Variants in KCNN2 observed in about 807,000 individuals in gnomAD.
KCNN2 encodes small conductance calcium-activated potassium channel protein 2.
A neutral mutation model predicts 55.5 loss-of-function variants in KCNN2; 24 were observed. The ratio of observed to expected loss-of-function variants is 0.43; its 90% CI spans 0.31 to 0.61. KCNN2 has a LOEUF of 0.61. Ranked by LOEUF, KCNN2 falls within the 20% of genes least tolerant of loss-of-function variation. The probability of loss-of-function intolerance (pLI) is 0.08; values close to 1 mark genes in which losing one functional copy is unlikely to be tolerated. For missense variants in KCNN2, 754 were observed against 853.6 expected, an observed-to-expected ratio of 0.88 and a Z score of 1.45; for synonymous variants, 431 against 336.1, an observed-to-expected ratio of 1.28 and a Z score of -3.09.
chr5:114,163,028 A>G (rs925990177), intron 1 of KCNN2, among the ~76,000 whole-genome samples: 7 of 152,084 alleles, frequency 4.6e-5, no homozygotes, highest in South Asian at 2.1e-4. Context: ...CTGTCTGGCA[A>G]TCCCCAGTGA....
At chr5:114,299,343 A>G (rs1756103635) in intron 2 of KCNN2, among the ~76,000 whole-genome samples, 1 of 152,146 alleles carries the variant, frequency 6.6e-6, no homozygotes, top group African/African-American at 2.4e-5. Flanking sequence ...CTAATGGCTT[A>G]GGCTTGAATT....
At position 114,450,819 on chromosome 5, in the gene KCNN2, C is replaced by G. The variant is rs181709418; in HGVS notation, c.1638-12230C>G. Among the ~76,000 whole-genome samples, 362 of 152,324 alleles carry G rather than the reference C, an allele frequency of 2.4e-3. 1 individual carries two copies. Among genetic ancestry groups the G allele is most frequent in the African/African-American group, 7.7e-3 (319 of 41,566 alleles). ...TGTATCTGTTACGCATTTAACAAAACACTGTTCTACATCCCACTTGACTTC... is the reference window on the plus strand; with the variant it reads ...TGTATCTGTTACGCATTTAACAAAAGACTGTTCTACATCCCACTTGACTTC... On this transcript the variant is annotated intron_variant, in intron 3 of 7. Transcript: ENST00000673685.
rs1198304647 is a variant in KCNN2, at chr5:114,373,645, T to TATATATATATATATATATAC, written c.1218+9657_1218+9658insTATATACATATATATATATA. ...ATGGTGTTGTTATGAAGATTTTATATATATATATATATAAAATTACTTGGA... is the reference window on the plus strand; with the variant it reads ...ATGGTGTTGTTATGAAGATTTTATATATATATATATATATATATACATATATATATATAAAATTACTTGGA... On this transcript the variant is annotated intron_variant, in intron 2 of 7. Transcript: ENST00000673685. Among the ~76,000 whole-genome samples, 28 of 105,096 alleles carry TATATATATATATATATATAC rather than the reference T, an allele frequency of 2.7e-4. 4 individuals are homozygous for TATATATATATATATATATAC. Among genetic ancestry groups the TATATATATATATATATATAC allele is most frequent in the African/African-American group, 8.5e-4 (26 of 30,686 alleles). The allele number at this position is 105,096 out of a possible 152,430, so 68.9% of individuals were successfully genotyped here.
At chr5:114,335,270 G>A (rs775364824) in intron 2 of KCNN2, among the ~76,000 whole-genome samples, 1 of 151,954 alleles carries the variant, frequency 6.6e-6, no homozygotes, top group Non-Finnish European at 1.5e-5. Flanking sequence ...CAGCTGTCTG[G>A]TTTCTCCCAG....
chr5:114,399,735 G>A (rs1417423035), intron 2 of KCNN2, among the ~76,000 whole-genome samples: 3 of 151,988 alleles, frequency 2.0e-5, no homozygotes, highest in African/African-American at 7.2e-5. Context: ...CTCTGGTTCT[G>A]TGCTTTTTCT....
intron 1 of KCNN2, among the ~76,000 whole-genome samples, chr5:114,160,610 A>T (rs1036382692): frequency 5.3e-5 from 8 of 152,162 alleles, no homozygotes; most frequent in African/African-American, 9.7e-5. Context: ...GGGGTGTTAA[A>T]GTCTCCCATT....
chr5:114,164,024 A>G (rs1488531359), intron 1 of KCNN2, among the ~76,000 whole-genome samples: 1 of 152,020 alleles, frequency 6.6e-6, no homozygotes, highest in African/African-American at 2.4e-5. Context: ...TTCTTTTGAA[A>G]CTCATGGAAT....
intron 2 of KCNN2, among the ~76,000 whole-genome samples, chr5:114,320,899 T>A (rs1756602364): frequency 6.6e-6 from 1 of 152,138 alleles, no homozygotes; most frequent in Non-Finnish European, 1.5e-5. Context: ...AAATGTTAGC[T>A]TTTTCATGAG....
At chr5:114,138,761 A>C (rs541582251) in intron 1 of KCNN2, among the ~76,000 whole-genome samples, 1 of 152,222 alleles carries the variant, frequency 6.6e-6, no homozygotes, top group Non-Finnish European at 1.5e-5. Context: ...AGATATCTGT[A>C]AGGATGGGAG....
At chr5:114,417,908 A>G (rs777346583) in intron 3 of KCNN2, among the ~76,000 whole-genome samples, 45 of 152,200 alleles carry the variant, frequency 3.0e-4, no homozygotes, top group Non-Finnish European at 5.7e-4. Context: ...AGAGCCCTTT[A>G]ATATCTGGGT....
intron 2 of KCNN2, among the ~76,000 whole-genome samples, chr5:114,372,060 C>G (rs751467197): frequency 6.6e-6 from 1 of 152,136 alleles, no homozygotes; most frequent in Non-Finnish European, 1.5e-5. Flanking sequence ...TTGTTTGAAT[C>G]ATAATGCTAA....
intron 2 of KCNN2, among the ~76,000 whole-genome samples, chr5:114,388,302 C>T (rs184089610): frequency 1.3e-5 from 2 of 152,200 alleles, no homozygotes; most frequent in East Asian, 3.9e-4. Context: ...CTTTCTCTGG[C>T]ATTTTAGATG....
intron 2 of KCNN2, among the ~76,000 whole-genome samples, chr5:114,259,917 A>G (rs4323225): frequency 0.13 from 19,547 of 152,178 alleles, 1,257 homozygotes; most frequent in African/African-American, 0.14. Context: ...TCTGAGGAGA[A>G]TTGGCATCTG....
chr5:114,406,333 GT>G (rs770646411), intron 3 of KCNN2, among the ~76,000 whole-genome samples: 67 of 141,612 alleles, frequency 4.7e-4, no homozygotes, highest in East Asian at 4.4e-3. Context: ...GTGGAAGTCA[GT>G]TTTTTTTTTT....
chr5:114,165,775 G>T (rs776654561), intron 1 of KCNN2, among the ~76,000 whole-genome samples: 13 of 152,070 alleles, frequency 8.5e-5, no homozygotes, highest in Non-Finnish European at 1.5e-4. Context: ...TACAAAATAT[G>T]TATTATTTTA....
intron 1 of KCNN2, among the ~76,000 whole-genome samples, chr5:114,154,977 C>T (rs575672662): frequency 1.3e-4 from 20 of 152,106 alleles, no homozygotes; most frequent in African/African-American, 4.3e-4. Flanking sequence ...TAGATTATTT[C>T]ATCACCCAGG....
chr5:114,117,502 T>G (rs1054984140), intron 1 of KCNN2, among the ~76,000 whole-genome samples: 1 of 152,176 alleles, frequency 6.6e-6, no homozygotes, highest in African/African-American at 2.4e-5. Flanking sequence ...AACGGCAAAA[T>G]GTACTTGGGT....
At chr5:114,104,963 A>G (rs546283953) in intron 1 of KCNN2, among the ~76,000 whole-genome samples, 3 of 152,200 alleles carry the variant, frequency 2.0e-5, no homozygotes, top group Non-Finnish European at 4.4e-5. Flanking sequence ...GCTGGAGGCC[A>G]CAAGAGGTTA....
intron 1 of KCNN2, among the ~76,000 whole-genome samples, chr5:114,071,118 T>C (rs56328145): frequency 0.1 from 15,939 of 152,286 alleles, 1,081 homozygotes; most frequent in South Asian, 0.24. Context: ...CAGTAGAATC[T>C]ACTCTGGCTA....
Sources: allele counts gnomAD v4.1 joint callset (sites outside exome capture counted in the v4.1 genomes callset), GRCh38; gene constraint gnomAD v4.1.1; transcripts MANE v1.5; gene names NCBI Gene and HGNC (gene_info 2026-07-23, HGNC 2026-07-21).